Variants in IL1RAPL2 observed in about 807,000 individuals in gnomAD.
The protein encoded by IL1RAPL2 is X-linked interleukin-1 receptor accessory protein-like 2.
IL1RAPL2 carries 3 observed loss-of-function variants against 44.1 expected under a neutral mutation model. That is an observed-to-expected ratio of 0.07 (90% CI 0.03 to 0.18). The LOEUF (loss-of-function observed/expected upper bound fraction) is 0.18, where lower values mean the gene tolerates loss of function less well. Ranked by LOEUF, IL1RAPL2 falls within the 10% of genes least tolerant of loss-of-function variation. The pLI is 1.00. For missense variants in IL1RAPL2, 391 were observed against 496.4 expected (o/e 0.79, Z 2.02); for synonymous variants, 181 against 178.8 (o/e 1.01, Z -0.10).
At chrX:104,946,379 CAAA>C (rs1157603029) in intron 2 of IL1RAPL2, among the ~76,000 whole-genome samples, 12 of 9,128 alleles carry the variant, frequency 1.3e-3, no homozygotes, top group African/African-American at 1.7e-3. Flanking sequence ...GACTCCGTCT[CAAA>C]AAAAAAAAAA....
intron 5 of IL1RAPL2, among the ~76,000 whole-genome samples, chrX:105,388,608 G>A (rs1356303322): frequency 9.0e-6 from 1 of 110,565 alleles, no homozygotes; most frequent in Admixed American, 9.7e-5. Flanking sequence ...CTGTGAAGAG[G>A]CCTACTCAGT....
At chrX:105,612,366 A>T (rs1295848084) in intron 6 of IL1RAPL2, among the ~76,000 whole-genome samples, 2 of 111,473 alleles carry the variant, frequency 1.8e-5, no homozygotes, top group African/African-American at 6.5e-5. Flanking sequence ...TTGGCCTCCC[A>T]AAGTGCTGGG....
At chrX:104,634,901 A>G (rs1929756053) in intron 1 of IL1RAPL2, among the ~76,000 whole-genome samples, 1 of 111,250 alleles carries the variant, frequency 9.0e-6, no homozygotes, top group Admixed American at 9.6e-5. Flanking sequence ...TTAGCTGGTT[A>G]TTTTGCTTGT....
At chrX:105,116,554 T>C (rs1486571935) in intron 2 of IL1RAPL2, among the ~76,000 whole-genome samples, 1 of 110,504 alleles carries the variant, frequency 9.0e-6, no homozygotes, top group Non-Finnish European at 1.9e-5. Context: ...TTGGTAAAAG[T>C]GTAGCTGAGA....
chrX:105,685,662 G>A (rs2037965487), intron 6 of IL1RAPL2, among the ~76,000 whole-genome samples: 1 of 111,637 alleles, frequency 9.0e-6, no homozygotes, highest in African/African-American at 3.3e-5. Context: ...CCCCAACCTA[G>A]CAAGGCAGGC....
intron 2 of IL1RAPL2, among the ~76,000 whole-genome samples, chrX:105,034,525 G>C (rs2031583543): frequency 3.6e-5 from 4 of 112,247 alleles, no homozygotes; most frequent in Admixed American, 2.8e-4. Context: ...AGCAGCGGTG[G>C]CTGCAGAACA....
At chrX:105,229,417 T>C (rs2034047690) in intron 3 of IL1RAPL2, among the ~76,000 whole-genome samples, 2 of 112,142 alleles carry the variant, frequency 1.8e-5, no homozygotes, top group Admixed American at 9.4e-5. Context: ...GACTTCATAC[T>C]AGGACTTGTT....
chrX:105,248,733 T>C (rs1395406935), intron 4 of IL1RAPL2, among the ~76,000 whole-genome samples: 1 of 111,383 alleles, frequency 9.0e-6, no homozygotes, highest in Non-Finnish European at 1.9e-5. Flanking sequence ...GAAACAGACA[T>C]ATGAAAAGGT....
At chrX:105,667,290 C>T (rs975371764) in intron 6 of IL1RAPL2, among the ~76,000 whole-genome samples, 4 of 111,667 alleles carry the variant, frequency 3.6e-5, no homozygotes, top group Admixed American at 2.8e-4. Flanking sequence ...ACTTCAGGAC[C>T]GGGTAAAGCA....
At chrX:105,554,645 G>A (rs2036884267) in intron 6 of IL1RAPL2, among the ~76,000 whole-genome samples, 2 of 110,437 alleles carry the variant, frequency 1.8e-5, no homozygotes, top group African/African-American at 6.6e-5. Context: ...TCTTTCAGTT[G>A]TGATAGTCTG....
intron 6 of IL1RAPL2, among the ~76,000 whole-genome samples, chrX:105,593,008 T>C (rs2073372263): frequency 4.5e-5 from 5 of 112,209 alleles, no homozygotes; most frequent in Admixed American, 9.4e-5. Flanking sequence ...TATTGGATGA[T>C]TTCCTCAAAT....
intron 2 of IL1RAPL2, among the ~76,000 whole-genome samples, chrX:104,791,578 C>T (rs913516276): frequency 9.0e-6 from 1 of 111,689 alleles, no homozygotes; most frequent in African/African-American, 3.3e-5. Flanking sequence ...ATCAGAACAC[C>T]AGGAGAAATG....
At chrX:105,351,205 GAC>G (rs986009675) in intron 5 of IL1RAPL2, among the ~76,000 whole-genome samples, 7 of 111,780 alleles carry the variant, frequency 6.3e-5, no homozygotes, top group Non-Finnish European at 1.1e-4. Flanking sequence ...CATTGTGGAA[GAC>G]AGTGTGGCAA....
chrX:104,676,145 A>C (rs1930748846), intron 2 of IL1RAPL2, among the ~76,000 whole-genome samples: 1 of 110,170 alleles, frequency 9.1e-6, no homozygotes, highest in South Asian at 3.9e-4. Context: ...TGTCATTATG[A>C]TGTTAGCTGG....
chrX:105,269,468 A>G (rs964116344), intron 5 of IL1RAPL2, among the ~76,000 whole-genome samples: 3 of 111,121 alleles, frequency 2.7e-5, no homozygotes, highest in Non-Finnish European at 5.7e-5. Context: ...TTTACTTCTT[A>G]GTTTGATTTT....
At chrX:104,935,821 T>A (rs767241686) in intron 2 of IL1RAPL2, among the ~76,000 whole-genome samples, 1 of 111,672 alleles carries the variant, frequency 9.0e-6, no homozygotes, top group Admixed American at 9.6e-5. Flanking sequence ...GGAAACTTTG[T>A]TAATGTGCAT....
chrX:104,821,402 C>T (rs769985411), intron 2 of IL1RAPL2, among the ~76,000 whole-genome samples: 2 of 110,786 alleles, frequency 1.8e-5, no homozygotes, highest in African/African-American at 3.3e-5. Flanking sequence ...CCTTGCCCCC[C>T]ACCTGTTGAC....
intron 4 of IL1RAPL2, among the ~76,000 whole-genome samples, chrX:105,241,327 T>G: frequency 8.9e-6 from 1 of 111,805 alleles, no homozygotes. Flanking sequence ...CTCAAAAATT[T>G]TAAAGATGTA....
intron 2 of IL1RAPL2, among the ~76,000 whole-genome samples, chrX:104,714,512 G>A (rs1931520607): frequency 9.0e-6 from 1 of 110,916 alleles, no homozygotes; most frequent in Admixed American, 9.6e-5. Context: ...ACCCTGTTAA[G>A]TGGTGCCTTT....
Sources: allele counts gnomAD v4.1 joint callset (sites outside exome capture counted in the v4.1 genomes callset), GRCh38; gene constraint gnomAD v4.1.1; transcripts MANE v1.5; gene names NCBI Gene and HGNC (gene_info 2026-07-23, HGNC 2026-07-21).